The following ADGRA3 variants were observed in gnomAD, a reference collection of about 807,000 sequenced individuals.
ADGRA3 encodes G-protein coupled receptor 125.
A neutral mutation model predicts 119.8 loss-of-function variants in ADGRA3; 56 were observed. The observed-to-expected ratio is 0.47, with a 90% CI of 0.38 to 0.58. The LOEUF is 0.58. Among genes scored for constraint, ADGRA3 ranks in the 20% least tolerant of loss-of-function variants. The pLI is 0.00. For synonymous variants in ADGRA3, 607 were observed against 623.8 expected, an observed-to-expected ratio of 0.97 and a Z score of 0.40; for missense variants, 1,516 against 1,649.0, an observed-to-expected ratio of 0.92 and a Z score of 1.40.
At chr4:22,504,170 A>T (rs145234608) in intron 1 of ADGRA3, among the ~76,000 whole-genome samples, 2 of 152,208 alleles carry the variant, frequency 1.3e-5, no homozygotes, top group Non-Finnish European at 2.9e-5. Flanking sequence ...TACTCAAGAA[A>T]AAAAGATTGC....
intron 2 of ADGRA3, among the ~76,000 whole-genome samples, chr4:22,467,043 C>T (rs1431545033): frequency 6.6e-6 from 1 of 152,192 alleles, no homozygotes; most frequent in African/African-American, 2.4e-5. Flanking sequence ...TATCTCATTA[C>T]TAATCATTTC....
intron 1 of ADGRA3, among the ~76,000 whole-genome samples, chr4:22,490,164 C>T (rs1368244138): frequency 6.6e-6 from 1 of 152,132 alleles, no homozygotes; most frequent in Non-Finnish European, 1.5e-5. Context: ...TGTAAGTTTA[C>T]ATGAAATTAA....
intron 12 of ADGRA3, chr4:22,414,159 T>C (rs1715337099): frequency 4.7e-6 from 1 of 211,888 alleles, no homozygotes; most frequent in East Asian, 1.1e-4. Flanking sequence ...GTATCAATTT[T>C]ACAATGATAA....
chr4:22,509,517 GAAAAGA>G (rs1719364983), intron 1 of ADGRA3, among the ~76,000 whole-genome samples: 1 of 143,562 alleles, frequency 7.0e-6, no homozygotes, highest in Non-Finnish European at 1.5e-5. Context: ...AAAAAGAAAA[GAAAAGA>G]AAAAAAAAAA....
intron 1 of ADGRA3, among the ~76,000 whole-genome samples, chr4:22,506,008 G>A (rs1156261896): frequency 6.6e-6 from 1 of 152,134 alleles, no homozygotes; most frequent in East Asian, 1.9e-4. Flanking sequence ...AATGCAACTG[G>A]AGAAGAGTAA....
chr4:22,482,100 G>A (rs979520205), intron 1 of ADGRA3, among the ~76,000 whole-genome samples: 1 of 151,964 alleles, frequency 6.6e-6, no homozygotes, highest in African/African-American at 2.4e-5. Context: ...AATAATTCTG[G>A]GTGGTATGCT....
chr4:22,440,127 T>G (rs1716554076), intron 7 of ADGRA3, among the ~76,000 whole-genome samples: 1 of 152,158 alleles, frequency 6.6e-6, no homozygotes, highest in African/African-American at 2.4e-5. Flanking sequence ...AGCACTTGCT[T>G]TGTACCACAG....
At chr4:22,442,113 T>C (rs1716637627) in intron 7 of ADGRA3, among the ~76,000 whole-genome samples, 1 of 152,124 alleles carries the variant, frequency 6.6e-6, no homozygotes, top group Non-Finnish European at 1.5e-5. Context: ...CAAAGTAAAA[T>C]ATCTGGTAAG....
chr4:22,485,193 T>C (rs938965379), intron 1 of ADGRA3, among the ~76,000 whole-genome samples: 4 of 152,170 alleles, frequency 2.6e-5, no homozygotes, highest in African/African-American at 9.7e-5. Flanking sequence ...GCAATTCTCC[T>C]GCTTCAGCCT....
At chr4:22,490,455 C>CT (rs2109147968) in intron 1 of ADGRA3, among the ~76,000 whole-genome samples, 1 of 152,236 alleles carries the variant, frequency 6.6e-6, no homozygotes, top group East Asian at 1.9e-4. Flanking sequence ...TTATAGGAGT[C>CT]TGAGTCTCTG....
At chr4:22,425,922 G>GT (rs1182848563) in intron 10 of ADGRA3, among the ~76,000 whole-genome samples, 1 of 152,146 alleles carries the variant, frequency 6.6e-6, no homozygotes, top group African/African-American at 2.4e-5. Context: ...AATGCTGACC[G>GT]TGAGTACCTA....
intron 1 of ADGRA3, among the ~76,000 whole-genome samples, chr4:22,507,287 T>C (rs1399354889): frequency 6.6e-6 from 1 of 152,132 alleles, no homozygotes; most frequent in Non-Finnish European, 1.5e-5. Flanking sequence ...CAAAGAACTC[T>C]GTATTCTAAT....
intron 1 of ADGRA3, among the ~76,000 whole-genome samples, chr4:22,513,855 A>AC (rs1577394754): frequency 6.0e-5 from 9 of 149,302 alleles, no homozygotes; most frequent in Admixed American, 6.0e-4. Flanking sequence ...CAAAAAAAAA[A>AC]AAAAAAAAAA....
In ADGRA3 at chr4:22,392,558, TTGG is replaced by T. The variant is rs1223375253; in HGVS notation, c.2611_2613del (p.Pro871del). 6.2e-7 allele frequency: 1 copy of T among 1,613,906 alleles called. No individual in the cohort carries two copies. Among genetic ancestry groups the T allele is most frequent in the Non-Finnish European group, 8.5e-7 (1 of 1,179,866 alleles). On this transcript the variant is annotated inframe_deletion, in exon 17 of 19. Transcript: ENST00000334304. ...GATATGAGATACCTGAGCATTGGTCTTGGTGGAGGTGGTGGTTCATCAGGATCC... is the reference window on the plus strand; with the variant it reads ...GATATGAGATACCTGAGCATTGGTCTTGGAGGTGGTGGTTCATCAGGATCC...
At chr4:22,425,438 G>C (rs552639213) in intron 10 of ADGRA3, among the ~76,000 whole-genome samples, 13 of 152,266 alleles carry the variant, frequency 8.5e-5, no homozygotes, top group African/African-American at 3.1e-4. Flanking sequence ...TAACTCATAC[G>C]TCTCACCTGA....
At chr4:22,406,871 T>TA (rs1407542565) in intron 14 of ADGRA3, among the ~76,000 whole-genome samples, 2 of 151,556 alleles carry the variant, frequency 1.3e-5, no homozygotes, top group South Asian at 2.1e-4. Flanking sequence ...ACAGAACCAC[T>TA]AAAAAAATTA....
At chr4:22,435,714 T>C (rs1216832722) in intron 9 of ADGRA3, among the ~76,000 whole-genome samples, 1 of 152,184 alleles carries the variant, frequency 6.6e-6, no homozygotes, top group East Asian at 1.9e-4. Context: ...GAGGTTAACA[T>C]GTTGCACCAT....
intron 16 of ADGRA3, among the ~76,000 whole-genome samples, chr4:22,395,891 T>TA (rs1400403030): frequency 1.3e-5 from 2 of 152,130 alleles, no homozygotes; most frequent in Non-Finnish European, 2.9e-5. Flanking sequence ...ACTGATCAGA[T>TA]TTTTCCAAAT....
At chr4:22,413,545 C>T in intron 13 of ADGRA3, 56 bp downstream of exon 13, 3 of 1,502,448 alleles carry the variant, frequency 2.0e-6, no homozygotes, top group Non-Finnish European at 1.8e-6. Context: ...TAGGAACAGT[C>T]AACTACAAGG....
Sources: allele counts gnomAD v4.1 joint callset (sites outside exome capture counted in the v4.1 genomes callset), GRCh38; gene constraint gnomAD v4.1.1; transcripts MANE v1.5; gene names NCBI Gene and HGNC (gene_info 2026-07-23, HGNC 2026-07-21).